Variants in INSRR observed in about 807,000 individuals in gnomAD.
INSRR encodes insulin receptor related receptor, also known as insulin receptor-related protein.
In INSRR, 114 loss-of-function variants were observed where a neutral mutation model predicts 130.0. The ratio of observed to expected loss-of-function variants is 0.88; its 90% confidence interval spans 0.75 to 1.02. The LOEUF is 1.02. Among genes scored for constraint, INSRR ranks in the 50% least tolerant of loss-of-function variants. The probability of loss-of-function intolerance (pLI) is 0.00; values close to 1 mark genes in which losing one functional copy is unlikely to be tolerated. For missense variants in INSRR, 1,657 were observed against 1,735.2 expected, an observed-to-expected ratio of 0.95 and a Z score of 0.80; for synonymous variants, 674 against 705.2, an observed-to-expected ratio of 0.96 and a Z score of 0.70.
At chr1:156,856,596 G>C (rs1286957297) in intron 1 of INSRR, among the ~76,000 whole-genome samples, 2 of 152,128 alleles carry the variant, frequency 1.3e-5, no homozygotes, top group African/African-American at 4.8e-5. Context: ...TTTAGGCTCA[G>C]CTACACTTAG....
chr1:156,851,439 G>C lies in INSRR; in HGVS notation c.1085-5C>G. Reference sequence around the variant, plus strand: ...GCAGCTGTGGCTCCAGGTTGTCTAGGGATGGGAAGACAGGGCTGGAGTAGG... The same window carrying C: ...GCAGCTGTGGCTCCAGGTTGTCTAGCGATGGGAAGACAGGGCTGGAGTAGG... On this transcript the variant is annotated splice_region_variant and splice_polypyrimidine_tract_variant and intron_variant, in intron 4 of 21. Coordinates refer to ENST00000368195, the MANE Select transcript of INSRR (RefSeq NM_014215.3). 1 of 1,614,152 alleles carries C rather than the reference G, an allele frequency of 6.2e-7. No individual in the cohort carries two copies. Among genetic ancestry groups the C allele is most frequent in the African/African-American group, 1.3e-5 (1 of 75,036 alleles).
rs771671120 is a variant in INSRR, at chr1:156,851,676, C to T, written c.1054G>A (p.Gly352Arg). The T allele has an allele frequency of 1.9e-6, 3 of 1,614,192 alleles. No individual in the cohort carries two copies. The highest frequency in any genetic ancestry group is 1.1e-5 in the South Asian group (1 of 91,074). ...TGGCGAAGGTTGAGGATGAGGCTTC[C>T]CTCCACATGCGTGCAGCCCACAAGA... ...QDLVGCTHVE[G>R]SLILNLRQGY... The change falls in exon 4 of 22, where the codon GGA (glycine) becomes AGA (arginine). Residue 352 changes from glycine to arginine, a missense_variant. Coordinates refer to ENST00000368195, the MANE Select transcript of INSRR (RefSeq NM_014215.3).
At position 156,845,519 on chromosome 1, in the gene INSRR, A is replaced by T. The variant is rs1654963909; in HGVS notation, c.2174+100T>A. 2.7e-6 allele frequency: 4 copies of T among 1,473,310 alleles called. No individual in the cohort carries two copies. In the Admixed American group the frequency reaches 7.6e-5, roughly 28 times the overall value. The allele number at this position is 1,473,310 out of a possible 1,614,324, so 91.3% of individuals were successfully genotyped here. A position where few individuals can be genotyped will look rare whatever the true frequency, so the allele number is the denominator to read the frequency against. On this transcript the variant is annotated intron_variant, in intron 10 of 21. Coordinates refer to ENST00000368195, the MANE Select transcript of INSRR (RefSeq NM_014215.3). Reference sequence around the variant, plus strand: ...CACCCACAACCCGGGACCCGCCCACACAAGCAAGGCCCCACCCACAAACCC... The same window carrying T: ...CACCCACAACCCGGGACCCGCCCACTCAAGCAAGGCCCCACCCACAAACCC...
At position 156,858,704 on chromosome 1, in the gene INSRR, C is replaced by G. The variant is rs1208167907; in HGVS notation, c.-83G>C. ...ACGGTGTGATAAGCCCTAAGGGACA[C>G]AGAGACCAGGGTTCAGATAGGAGAG... On this transcript the variant is annotated 5_prime_UTR_variant, in exon 1 of 22. Transcript: ENST00000368195. 1.4e-5 allele frequency: 17 copies of G among 1,172,432 alleles called. No individual in the cohort carries two copies. In the Admixed American group the frequency reaches 2.9e-4, roughly 20 times the overall value. 72.6% of individuals were successfully genotyped at this position (1,172,432 alleles called of 1,614,324 possible).
intron 1 of INSRR, among the ~76,000 whole-genome samples, chr1:156,857,882 A>G (rs1487199435): frequency 1.3e-5 from 2 of 152,086 alleles, no homozygotes. Flanking sequence ...CCAATCCCCC[A>G]GCACCTCCAT....
rs1248721729 is a variant in INSRR at position 156,847,944 on chromosome 1, CTG to C, written c.1571+975_1571+976del. Among the ~76,000 whole-genome samples the C allele has an allele frequency of 2.0e-5, 3 of 152,318 alleles. No individual in the cohort carries two copies. The East Asian group carries it at 5.8e-4, about 29-fold the overall frequency. ...GCCGGGGAGCTGGGGGAGATTCACA[CTG>C]TAGTCATGCCAGGGCTCCTTAGAGT... is the stretch of plus-strand genomic sequence containing the variant. On this transcript the variant is annotated intron_variant, in intron 7 of 21. Coordinates refer to ENST00000368195, the MANE Select transcript of INSRR (RefSeq NM_014215.3).
At chr1:156,849,983 G>T (rs928289720) in intron 5 of INSRR, among the ~76,000 whole-genome samples, 1 of 151,392 alleles carries the variant, frequency 6.6e-6, no homozygotes, top group Non-Finnish European at 1.5e-5. Context: ...GCCCACTGCC[G>T]CCTTGACCTC....
intron 5 of INSRR, 52 bp downstream of exon 5, chr1:156,851,238 T>A: frequency 6.2e-7 from 1 of 1,604,824 alleles, no homozygotes; most frequent in Non-Finnish European, 8.5e-7. Flanking sequence ...GTTCTGGGAG[T>A]GTTGGAGGAA....
At chr1:156,844,313 A>G in intron 14 of INSRR, 33 bp from the exon 15 acceptor site, 1 of 1,587,366 alleles carries the variant, frequency 6.3e-7, no homozygotes. Flanking sequence ...GGGTAGAGTC[A>G]AAGATGTAGA....
chr1:156,841,990 G>T, intron 19 of INSRR, 122 bp downstream of exon 19: 1 of 1,555,824 alleles, frequency 6.4e-7, no homozygotes, highest in Non-Finnish European at 8.8e-7. Context: ...GATACAGGGT[G>T]GGGGTGACTT....
intron 5 of INSRR, 25 bp from the exon 6 acceptor site, chr1:156,849,485 T>TGG: frequency 9.7e-7 from 1 of 1,033,962 alleles, no homozygotes; most frequent in Non-Finnish European, 1.4e-6. Flanking sequence ...GGGACCTTGC[T>TGG]CTGCGGGGAG....
rs1403617672 is a variant in INSRR at position 156,842,166 on chromosome 1, C to A, written c.3343G>T (p.Asp1115Tyr). The change falls in exon 19 of 22, where the codon GAT becomes TAT. Residue 1115 changes from aspartate to tyrosine, a missense_variant. Coordinates refer to ENST00000368195, the MANE Select transcript of INSRR (RefSeq NM_014215.3). ...YLAANKFVHR[D>Y]LAARNCMVSQ... ...ACCATGCAGTTGCGGGCTGCTAGAT[C>A]TCGGTGCACAAACTTGTTGGCAGCA... 1.2e-6 allele frequency: 2 copies of A among 1,614,002 alleles called. No individual in the cohort carries two copies. Among genetic ancestry groups the A allele is most frequent in the African/African-American group, 2.7e-5 (2 of 74,922 alleles).
At position 156,842,148 on chromosome 1, in the gene INSRR, A is replaced by C. The variant is rs1198447148; in HGVS notation, c.3361T>G (p.Cys1121Gly). 1 of 1,613,750 alleles carries C rather than the reference A, an allele frequency of 6.2e-7. No individual in the cohort carries two copies. The highest frequency in any genetic ancestry group is 2.2e-5 in the East Asian group (1 of 44,836). The change falls in exon 19 of 22, where the codon TGC becomes GGC. Residue 1121 changes from cysteine (C) to glycine (G), a missense_variant. Transcript: ENST00000368195. ...FVHRDLAARN[C>G]MVSQDFTVKI... ...ACGGTGAAGTCCTGGGACACCATGC[A>C]GTTGCGGGCTGCTAGATCTCGGTGC...
At chr1:156,855,206 A>ATCTATCTATCTATCTG (rs1655368653) in intron 1 of INSRR, among the ~76,000 whole-genome samples, 1 of 151,242 alleles carries the variant, frequency 6.6e-6, no homozygotes, top group South Asian at 2.1e-4. Context: ...CTATCTATCT[A>ATCTATCTATCTATCTG]TCTATTTATT....
chr1:156,846,093 A>G lies in INSRR; in HGVS notation c.1837T>C (p.Ser613Pro). The change falls in exon 9 of 22, where the codon TCC becomes CCC. Residue 613 changes from serine to proline, a missense_variant. Physicochemically the swap from Ser to Pro is moderately conservative, Grantham distance 74 (BLOSUM62 -1). Transcript: ENST00000368195. ...AAPTVPQDVI[S>P]TSNSSSHLLV... is the part of the protein sequence containing the mutation. ...AGGTGGGAGGAGGAGTTGGACGTGG[A>G]GATGACGTCTTGGGGCACCGTGGGA... 1 of 1,607,876 alleles carries G rather than the reference A, an allele frequency of 6.2e-7. No homozygotes were observed. Among genetic ancestry groups the G allele is most frequent in the Non-Finnish European group, 8.5e-7 (1 of 1,176,606 alleles).
At chr1:156,853,544 C>T (rs537527551) in intron 2 of INSRR, among the ~76,000 whole-genome samples, 26 of 152,306 alleles carry the variant, frequency 1.7e-4, no homozygotes, top group African/African-American at 4.8e-4. Flanking sequence ...TCCATGATGC[C>T]GCCTTGGGCC....
At position 156,842,085 on chromosome 1, in the gene INSRR, C is replaced by T. The variant is rs770719969; in HGVS notation, c.3397+27G>A. On this transcript the variant is annotated intron_variant, in intron 19 of 21. Coordinates refer to ENST00000368195, the MANE Select transcript of INSRR (RefSeq NM_014215.3). ...GGGAGTCTCTCTACTTTTCAGGCCG[C>T]CCTCATCTGCCTGGCACCCTCTGTA... is the stretch of plus-strand genomic sequence containing the variant. The T allele has an allele frequency of 2.5e-6, 4 of 1,613,480 alleles. No homozygotes were observed. The South Asian group carries it at 3.3e-5, about 13-fold the overall frequency.
At chr1:156,846,473 A>AT (rs779397294) in intron 8 of INSRR, 46 bp downstream of exon 8, 1 of 1,475,720 alleles carries the variant, frequency 6.8e-7, no homozygotes, top group South Asian at 1.1e-5. Flanking sequence ...CCCTGTTCTC[A>AT]TGGATGCAGG....
At chr1:156,844,014 C>A (rs1411276436) in intron 15 of INSRR, among the ~76,000 whole-genome samples, 161 bp downstream of exon 15, 9 of 152,000 alleles carry the variant, frequency 5.9e-5, no homozygotes, top group African/African-American at 2.2e-4. Context: ...AGTTGGTCAC[C>A]CTAACTGAGA....
Sources: allele counts gnomAD v4.1 joint callset (sites outside exome capture counted in the v4.1 genomes callset), GRCh38; gene constraint gnomAD v4.1.1; transcripts MANE v1.5; gene names NCBI Gene and HGNC (gene_info 2026-07-23, HGNC 2026-07-21).